The following NCAM2 variants were observed in gnomAD, a reference collection of about 807,000 sequenced individuals.
NCAM2 encodes N-CAM-2.
Under a neutral mutation model 98.1 loss-of-function variants are expected in NCAM2, and 30 were observed. The ratio of observed to expected loss-of-function variants is 0.31; its 90% confidence interval spans 0.23 to 0.41. NCAM2 has a LOEUF of 0.41. Ranked by LOEUF, NCAM2 falls within the 10% of genes least tolerant of loss-of-function variation. The probability of loss-of-function intolerance (pLI) is 1.00; values close to 1 mark genes in which losing one functional copy is unlikely to be tolerated. For synonymous variants in NCAM2, 368 were observed against 342.4 expected, an observed-to-expected ratio of 1.07 and a Z score of -0.83; for missense variants, 867 against 1,005.8, an observed-to-expected ratio of 0.86 and a Z score of 1.87.
chr21:21,411,114 A>ATATATATACATATATGTGTGTG (rs1426488904), intron 10 of NCAM2, among the ~76,000 whole-genome samples: 1 of 3,534 alleles, frequency 2.8e-4, no homozygotes, highest in African/African-American at 9.3e-4. Context: ...ATATATATGT[A>ATATATATACATATATGTGTGTG]TATATATATA....
intron 12 of NCAM2, among the ~76,000 whole-genome samples, chr21:21,434,899 T>G (rs926314455): frequency 6.6e-6 from 1 of 152,206 alleles, no homozygotes; most frequent in African/African-American, 2.4e-5. Context: ...ATGTTTCTGG[T>G]GCTGTTGACC....
intron 1 of NCAM2, among the ~76,000 whole-genome samples, chr21:21,177,770 C>T (rs1398956114): frequency 2.0e-5 from 3 of 151,028 alleles, no homozygotes; most frequent in Non-Finnish European, 4.4e-5. Context: ...CTCTTCTCAT[C>T]CCCTGCCCTC....
At chr21:21,128,046 A>T (rs889944891) in intron 1 of NCAM2, among the ~76,000 whole-genome samples, 3 of 152,214 alleles carry the variant, frequency 2.0e-5, no homozygotes, top group Non-Finnish European at 4.4e-5. Flanking sequence ...TTTTTTAAAG[A>T]ATAAATCAAT....
intron 8 of NCAM2, among the ~76,000 whole-genome samples, chr21:21,372,532 C>A (rs1406343148): frequency 1.3e-5 from 2 of 151,550 alleles, no homozygotes; most frequent in Non-Finnish European, 2.9e-5. Context: ...TGAATCAGAG[C>A]CAAGATATAA....
intron 1 of NCAM2, chr21:21,147,227 C>T (rs2067305675): frequency 3.0e-6 from 3 of 985,276 alleles, no homozygotes; most frequent in South Asian, 4.7e-5. Flanking sequence ...AGTTCTTAGT[C>T]CGTACCCGGC....
At position 21,393,255 on chromosome 21, in the gene NCAM2, T is replaced by C. The variant is rs1055439985; in HGVS notation, c.1196-17019T>C. Among the ~76,000 whole-genome samples, 4 of 152,204 alleles carry C rather than the reference T, an allele frequency of 2.6e-5. No homozygotes were observed. The East Asian group carries it at 7.7e-4, about 29-fold the overall frequency. ...AAGTTTGTTGAAGATCAGGTAGTTATAGATGTGCATTCTTATTTCTGAGTT... is the reference window on the plus strand; with the variant it reads ...AAGTTTGTTGAAGATCAGGTAGTTACAGATGTGCATTCTTATTTCTGAGTT... On this transcript the variant is annotated intron_variant, in intron 9 of 17. Transcript: ENST00000400546.
At chr21:21,469,717 G>C (rs1411414028) in intron 14 of NCAM2, among the ~76,000 whole-genome samples, 1 of 151,874 alleles carries the variant, frequency 6.6e-6, no homozygotes, top group Non-Finnish European at 1.5e-5. Context: ...TCTACATTCT[G>C]AGGGGTAATA....
At chr21:21,311,764 G>C (rs1450045821) in intron 5 of NCAM2, among the ~76,000 whole-genome samples, 1 of 140,872 alleles carries the variant, frequency 7.1e-6, no homozygotes, top group Non-Finnish European at 1.5e-5. Context: ...GATAGTTTTG[G>C]AGCTGTTGTA....
chr21:20,999,944 G>A (rs1437166655), intron 1 of NCAM2, among the ~76,000 whole-genome samples: 1 of 152,174 alleles, frequency 6.6e-6, no homozygotes, highest in Admixed American at 6.5e-5. Context: ...CAGATTTAAT[G>A]TTCAGAAATC....
intron 1 of NCAM2, among the ~76,000 whole-genome samples, chr21:21,221,832 T>C (rs1470019068): frequency 2.0e-5 from 3 of 152,156 alleles, no homozygotes; most frequent in African/African-American, 4.8e-5. Context: ...ATTCTCAGTG[T>C]AGGTGAAATA....
Position 20,998,507 on chromosome 21 carries a change from C to T in NCAM2, c.-57C>T. On this transcript the variant is annotated 5_prime_UTR_variant, in exon 1 of 18. Coordinates refer to ENST00000400546, the MANE Select transcript of NCAM2 (RefSeq NM_004540.5). ...GGCGGCCGGGGCAGCGAAAGGTTCT[C>T]TCTCCAGGGCTGGACTTAATAACTT... 7 of 1,565,502 alleles carry T rather than the reference C, an allele frequency of 4.5e-6. No individual in the cohort carries two copies. Among genetic ancestry groups the T allele is most frequent in the South Asian group, 1.1e-5 (1 of 87,830 alleles).
At chr21:21,129,230 C>T (rs1569054434) in intron 1 of NCAM2, among the ~76,000 whole-genome samples, 1 of 152,054 alleles carries the variant, frequency 6.6e-6, no homozygotes, top group Non-Finnish European at 1.5e-5. Context: ...CTTTATCAAA[C>T]ACTTCTTTTA....
At chr21:21,392,851 C>A (rs1426734750) in intron 9 of NCAM2, among the ~76,000 whole-genome samples, 1 of 152,064 alleles carries the variant, frequency 6.6e-6, no homozygotes, top group East Asian at 1.9e-4. Context: ...GATATTAGAC[C>A]TTTATCAAAT....
At chr21:21,486,072 G>A (rs1322871031) in intron 15 of NCAM2, among the ~76,000 whole-genome samples, 1 of 152,018 alleles carries the variant, frequency 6.6e-6, no homozygotes, top group Admixed American at 6.6e-5. Context: ...GGGAGGCCGA[G>A]GCAGGTGGAT....
At chr21:21,283,557 A>G (rs1288806906) in intron 2 of NCAM2, among the ~76,000 whole-genome samples, 15 of 151,988 alleles carry the variant, frequency 9.9e-5, no homozygotes, top group Admixed American at 9.8e-4. Context: ...AATAGTTAAC[A>G]GTTTTAGATT....
At chr21:21,195,584 C>T (rs774521655) in intron 1 of NCAM2, among the ~76,000 whole-genome samples, 1 of 152,102 alleles carries the variant, frequency 6.6e-6, no homozygotes, top group African/African-American at 2.4e-5. Flanking sequence ...ACAGCATTAG[C>T]AAGAACTAGG....
intron 1 of NCAM2, among the ~76,000 whole-genome samples, chr21:21,161,082 C>T (rs1289395994): frequency 6.6e-6 from 1 of 151,820 alleles, no homozygotes; most frequent in Non-Finnish European, 1.5e-5. Flanking sequence ...TCTAGCACAC[C>T]TCTGCTACAA....
intron 1 of NCAM2, among the ~76,000 whole-genome samples, chr21:21,039,321 G>A (rs895890035): frequency 1.3e-5 from 2 of 152,010 alleles, no homozygotes; most frequent in Non-Finnish European, 2.9e-5. Flanking sequence ...CAGTTCCCTC[G>A]AAAAAGATAT....
At chr21:21,346,886 G>A (rs112514370) in intron 8 of NCAM2, among the ~76,000 whole-genome samples, 134 of 151,890 alleles carry the variant, frequency 8.8e-4, no homozygotes, top group African/African-American at 3.1e-3. Flanking sequence ...AGTAGTAAGA[G>A]GGAAGTTTAT....
Sources: gnomAD v4.1 joint callset for allele counts (sites outside exome capture counted in the v4.1 genomes callset) on GRCh38, gnomAD v4.1.1 for gene constraint, MANE v1.5 for transcripts, NCBI Gene and HGNC (gene_info 2026-07-23, HGNC 2026-07-21) for gene names.